PXMP2: variants seen among roughly 807,000 people sequenced by gnomAD.
PXMP2 encodes the protein peroxisomal membrane protein 2.
Under a neutral mutation model 20.2 loss-of-function variants are expected in PXMP2, and 13 were observed. The observed-to-expected ratio is 0.64, with a 90% confidence interval of 0.42 to 1.02. The LOEUF (loss-of-function observed/expected upper bound fraction) is 1.02. PXMP2 is among the 50% of genes least tolerant of loss of function. The probability of loss-of-function intolerance (pLI) is 0.00; values close to 1 mark genes in which losing one functional copy is unlikely to be tolerated. For synonymous variants in PXMP2, 113 were observed against 111.2 expected, an observed-to-expected ratio of 1.02 and a Z score of -0.10; for missense variants, 284 against 251.8, an observed-to-expected ratio of 1.13 and a Z score of -0.87.
At chr12:132,692,570 G>C (rs1272892242) in intron 2 of PXMP2, among the ~76,000 whole-genome samples, 1 of 76,204 alleles carries the variant, frequency 1.3e-5, no homozygotes, top group African/African-American at 4.8e-5. Context: ...GAGCACCCTT[G>C]CCAGTTAGTT....
intron 2 of PXMP2, among the ~76,000 whole-genome samples, chr12:132,691,166 C>T (rs1165332955): frequency 6.6e-6 from 1 of 151,628 alleles, no homozygotes; most frequent in Non-Finnish European, 1.5e-5. Flanking sequence ...ATTCTCCCGA[C>T]TCAGTCTCCC....
At chr12:132,701,746 T>G in intron 4 of PXMP2, 1 of 260,246 alleles carries the variant, frequency 3.8e-6, no homozygotes, top group South Asian at 4.0e-5. Context: ...CTTGAATCTA[T>G]GCTCCTGGGT....
intron 4 of PXMP2, among the ~76,000 whole-genome samples, chr12:132,702,853 A>C (rs2043450246): frequency 6.6e-6 from 1 of 152,212 alleles, no homozygotes; most frequent in African/African-American, 2.4e-5. Context: ...GGAAAGGACC[A>C]GGGTGACCCC....
At chr12:132,703,945 G>A (rs1375425911) in intron 4 of PXMP2, among the ~76,000 whole-genome samples, 2 of 152,164 alleles carry the variant, frequency 1.3e-5, no homozygotes, top group African/African-American at 2.4e-5. Context: ...GGGAGAGCTG[G>A]GAAGCCGCGC....
chr12:132,701,190 C>T, intron 3 of PXMP2, 60 bp from the exon 4 acceptor site: 2 of 1,605,972 alleles, frequency 1.2e-6, no homozygotes, highest in Non-Finnish European at 1.7e-6. Flanking sequence ...GTCTGGGTGC[C>T]CGGAATTCAG....
At chr12:132,698,359 A>G (rs573431659) in intron 3 of PXMP2, among the ~76,000 whole-genome samples, 1 of 152,290 alleles carries the variant, frequency 6.6e-6, no homozygotes, top group South Asian at 2.1e-4. Context: ...ACTTCTCCAT[A>G]CAGAAGTTAT....
chr12:132,693,844 G>A (rs2043389402), intron 2 of PXMP2, among the ~76,000 whole-genome samples: 1 of 95,970 alleles, frequency 1.0e-5, no homozygotes, highest in South Asian at 3.5e-4. Flanking sequence ...GTTAGTTAGT[G>A]AGCTCCCTTG....
In PXMP2 at chr12:132,695,927, A is replaced by G. The variant is rs777149446; in HGVS notation, c.280A>G (p.Met94Val). Residue 94 changes from methionine (M) to valine (V), a missense_variant, in exon 3 of 5, where the codon ATG becomes GTG. Transcript: ENST00000317479. ...GPLSHFFYFFMEHWIPPEVPL... is the reference protein window; with the variant it reads ...GPLSHFFYFFVEHWIPPEVPL... ...GCTGAGTCACTTCTTCTACTTCTTC[A>G]TGGAACATTGGATCCCTCCTGAGGT... 6.2e-7 allele frequency: 1 copy of G among 1,610,846 alleles called. No individual in the cohort carries two copies. Among genetic ancestry groups the G allele is most frequent in the South Asian group, 1.1e-5 (1 of 89,938 alleles).
Position 132,704,628 on chromosome 12 carries a change from C to T in PXMP2, c.529C>T (p.Leu177Phe). 2 of 1,456,270 alleles carry T rather than the reference C, an allele frequency of 1.4e-6. No homozygotes were observed. The highest frequency in any genetic ancestry group is 1.8e-6 in the Non-Finnish European group (2 of 1,098,266). 90.2% of individuals were successfully genotyped at this position (1,456,270 alleles called of 1,614,324 possible). A position where few individuals can be genotyped will look rare whatever the true frequency, so the allele number is the denominator to read the frequency against. Residue 177 changes from leucine to phenylalanine, a missense_variant, in exon 5 of 5, where the codon CTC becomes TTC. By Grantham distance (22) the Leu-to-Phe change is conservative. Coordinates refer to ENST00000317479, the MANE Select transcript of PXMP2 (RefSeq NM_018663.3). ...INYVPLKFRV[L>F]FANLAALFWY... ...CTGTTCTTTTCGGCAGTTCCGGGTG[C>T]TCTTCGCCAACCTGGCAGCTCTGTT...
rs544720486 is a variant in PXMP2, at chr12:132,692,099, C to T, written c.236+1723C>T. Among the ~76,000 whole-genome samples, 8 of 147,320 alleles carry T rather than the reference C, an allele frequency of 5.4e-5. No individual in the cohort carries two copies. The South Asian group carries it at 8.5e-4, about 16-fold the overall frequency. ...CTCCCTGAGCCAGTTAGTTAGTGAG[C>T]GCCCTTGCCAGTTAGTTAGTGAGCT... On this transcript the variant is annotated intron_variant, in intron 2 of 4. Transcript: ENST00000317479.
rs780282434 is a variant in PXMP2 at position 132,696,340 on chromosome 12, G to T, written c.399+294G>T. ...AAACCTCAAACTCCTGGGTTCAAGC[G>T]ATCCTCTTGCCTCAGCCTCCCAAGT... On this transcript the variant is annotated intron_variant, in intron 3 of 4. Coordinates refer to ENST00000317479, the MANE Select transcript of PXMP2 (RefSeq NM_018663.3). This position sits in a 1 kb window ranked among gnomAD's most constrained non-coding sequence, Gnocchi z 4.4. Among the ~76,000 whole-genome samples the T allele has an allele frequency of 6.6e-6, 1 of 152,082 alleles. No individual in the cohort carries two copies. Among genetic ancestry groups the T allele is most frequent in the African/African-American group, 2.4e-5 (1 of 41,420 alleles).
In PXMP2 at chr12:132,696,143, T is replaced by C; in HGVS notation, c.399+97T>C. 7.3e-7 allele frequency: 1 copy of C among 1,366,568 alleles called. No individual in the cohort carries two copies. Among genetic ancestry groups the C allele is most frequent in the South Asian group, 1.7e-5 (1 of 59,732 alleles). The allele number at this position is 1,366,568 out of a possible 1,614,324, so 84.7% of individuals were successfully genotyped here. On this transcript the variant is annotated intron_variant, in intron 3 of 4. Transcript: ENST00000317479. The surrounding 1 kb of genome is among the most constrained non-coding windows in gnomAD (Gnocchi z 4.4). ...AGAATTCAGAGGGTCTGCAGATTTT[T>C]CACTCAAATTGAAATTTTGCATTTT...
At chr12:132,689,543 A>T (rs1179954960) in intron 1 of PXMP2, among the ~76,000 whole-genome samples, 2 of 152,104 alleles carry the variant, frequency 1.3e-5, no homozygotes, top group African/African-American at 4.8e-5. Flanking sequence ...GAGGCAGGAG[A>T]TGTGAAGGGA....
chr12:132,693,641 CAGTTAGTGAGCGCCCTTGCCAGTT>C (rs1565991045), intron 2 of PXMP2, among the ~76,000 whole-genome samples: 6 of 50,052 alleles, frequency 1.2e-4, no homozygotes, highest in African/African-American at 1.7e-4. Context: ...GCGCCCTTGC[CAGTTAGTGAGCGCCCTTGCCAGTT>C]AGTTAGTGAG....
At chr12:132,688,350 T>TGCGGGGCGCGGGTGAAGA (rs2043333687) in intron 1 of PXMP2, among the ~76,000 whole-genome samples, 1 of 30,668 alleles carries the variant, frequency 3.3e-5, no homozygotes. Flanking sequence ...GAGCGGGTCC[T>TGCGGGGCGCGGGTGAAGA]CATGGAGCGT....
intron 4 of PXMP2, chr12:132,702,575 C>T (rs1418880666): frequency 7.6e-6 from 2 of 263,510 alleles, no homozygotes; most frequent in South Asian, 3.1e-5. Context: ...GTATGCCGCC[C>T]ATCAGGGTTT....
At chr12:132,701,450 C>T (rs534119294) in intron 4 of PXMP2, 81 bp downstream of exon 4, 8 of 1,498,076 alleles carry the variant, frequency 5.3e-6, no homozygotes, top group South Asian at 3.6e-5. Flanking sequence ...TTTCCTCCCC[C>T]CCTCCCTCCC....
intron 3 of PXMP2, among the ~76,000 whole-genome samples, chr12:132,698,860 C>T (rs914592013): frequency 6.6e-6 from 1 of 152,184 alleles, no homozygotes; most frequent in East Asian, 1.9e-4. Context: ...CTCCTGGCCT[C>T]AAGTGATATG....
intron 2 of PXMP2, among the ~76,000 whole-genome samples, chr12:132,691,866 A>G (rs1000541182): frequency 1.3e-5 from 2 of 152,262 alleles, no homozygotes; most frequent in African/African-American, 4.8e-5. Flanking sequence ...CTCTTGTCCC[A>G]GTAGATGTGG....
Sources: allele counts gnomAD v4.1 joint callset (sites outside exome capture counted in the v4.1 genomes callset), GRCh38; gene constraint gnomAD v4.1.1; non-coding constraint Gnocchi (gnomAD v3.1); transcripts MANE v1.5; gene names NCBI Gene and HGNC (gene_info 2026-07-23, HGNC 2026-07-21).